Variants in TRIM13 observed in about 807,000 individuals in gnomAD.
The protein encoded by TRIM13 is tripartite motif containing 13.
TRIM13 carries 15 observed loss-of-function variants against 27.1 expected under a neutral mutation model. That is an observed-to-expected ratio of 0.55 (90% CI 0.37 to 0.85). TRIM13 has a LOEUF of 0.85. Ranked by LOEUF, TRIM13 falls within the 40% of genes least tolerant of loss-of-function variation. The pLI, the probability that TRIM13 is intolerant of heterozygous loss-of-function variation, is 0.00. For synonymous variants in TRIM13, 193 were observed against 171.5 expected (o/e 1.13, Z -0.98); for missense variants, 402 against 472.2 (o/e 0.85, Z 1.38).
Position 50,014,165 on chromosome 13 carries a change from TAGGTTAAAAAAA to T in TRIM13, c.*1005_*1016del, listed in dbSNP as rs1876019072. The T allele has an allele frequency of 6.1e-6, 1 of 164,728 alleles. No homozygotes were observed. The highest frequency in any genetic ancestry group is 2.5e-5 in the African/African-American group (1 of 40,718). The allele number at this position is 164,728 out of a possible 1,614,324, so 10.2% of individuals were successfully genotyped here. A position where few individuals can be genotyped will look rare whatever the true frequency, so the allele number is the denominator to read the frequency against. On this transcript the variant is annotated 3_prime_UTR_variant, in exon 2 of 2. Transcript: ENST00000378182. ...GTGGCTATGCAAGCAAAAGCATAGA[TAGGTTAAAAAAA>T]AGGATCAGCTGGCTGGGCAGGGTGG...
Position 50,018,443 on chromosome 13 carries a change from CATA to C in TRIM13, c.*5284_*5286del, listed in dbSNP as rs1377657731. Reference sequence around the variant, plus strand: ...AATATTGAGAATCTGTTGTATCAAACATAATAAACTTTTTTTGAGATGTGCTTT... The same window carrying C: ...AATATTGAGAATCTGTTGTATCAAACATAAACTTTTTTTGAGATGTGCTTT... On this transcript the variant is annotated 3_prime_UTR_variant, in exon 2 of 2. Coordinates refer to ENST00000378182, the MANE Select transcript of TRIM13 (RefSeq NM_213590.3). The C allele has an allele frequency of 7.2e-5, 12 of 166,176 alleles. No individual in the cohort carries two copies. The highest frequency in any genetic ancestry group is 2.2e-4 in the African/African-American group (9 of 41,546). The allele number at this position is 166,176 out of a possible 1,614,324, so 10.3% of individuals were successfully genotyped here.
chr13:50,014,836 T>C lies in TRIM13; in HGVS notation c.*1672T>C, dbSNP rs549892244. 4 of 166,580 alleles carry C rather than the reference T, an allele frequency of 2.4e-5. No individual in the cohort carries two copies. The highest frequency in any genetic ancestry group is 7.2e-5 in the African/African-American group (3 of 41,380). 10.3% of individuals were successfully genotyped at this position (166,580 alleles called of 1,614,324 possible). ...CTCTAATTTGGTTGAGAGGAGGTAA[T>C]GAAAATGGGGACAGGATAAAAGGTG... On this transcript the variant is annotated 3_prime_UTR_variant, in exon 2 of 2. Coordinates refer to ENST00000378182, the MANE Select transcript of TRIM13 (RefSeq NM_213590.3).
At chr13:50,008,549 G>T (rs1409289848) in intron 1 of TRIM13, among the ~76,000 whole-genome samples, 1 of 152,016 alleles carries the variant, frequency 6.6e-6, no homozygotes. Flanking sequence ...GAGGCAGGAG[G>T]ATTGCTTGAG....
rs569255684 is a variant in TRIM13 at position 49,998,022 on chromosome 13, T to C, written c.-7+259T>C. 1.6e-4 allele frequency among the ~76,000 whole-genome samples: 25 copies of C among 152,330 alleles called. 1 individual carries two copies. The East Asian group carries it at 4.6e-3, about 28-fold the overall frequency. On this transcript the variant is annotated intron_variant, in intron 1 of 1. Coordinates refer to ENST00000378182, the MANE Select transcript of TRIM13 (RefSeq NM_213590.3). ...GAAGAAAGGGGCTTCCACACTTTTT[T>C]CCTACTTTTTTTTCCCTTCTCCTAT... is the stretch of plus-strand genomic sequence containing the variant.
At position 50,015,095 on chromosome 13, in the gene TRIM13, ATATATATAT is replaced by A. The variant is rs1416682565; in HGVS notation, c.*1932_*1940del. On this transcript the variant is annotated 3_prime_UTR_variant, in exon 2 of 2. Coordinates refer to ENST00000378182, the MANE Select transcript of TRIM13 (RefSeq NM_213590.3). ...AGTAATAAAAAAAAAAAAAAAAAAA[ATATATATAT>A]ATATATATATATATATATATATATA... 6 of 16,702 alleles carry A rather than the reference ATATATATAT, an allele frequency of 3.6e-4. 2 individuals carry two copies. The highest frequency in any genetic ancestry group is 1.9e-3 in the African/African-American group (6 of 3,092). 1.0% of individuals were successfully genotyped at this position (16,702 alleles called of 1,614,324 possible).
In TRIM13 at chr13:50,015,776, G is replaced by A. The variant is rs759974304; in HGVS notation, c.*2612G>A. 6.2e-7 allele frequency: 1 copy of A among 1,614,068 alleles called. No individual in the cohort carries two copies. The highest frequency in any genetic ancestry group is 1.1e-5 in the South Asian group (1 of 91,086). The stretch of plus-strand genomic sequence containing the variant: ...TCTTTTCTATGAACTTCGTTCTCTA[G>A]TTGATCTCTTAAACCCATACCTGCT... On this transcript the variant is annotated 3_prime_UTR_variant, in exon 2 of 2. Coordinates refer to ENST00000378182, the MANE Select transcript of TRIM13 (RefSeq NM_213590.3).
chr13:49,999,297 G>C (rs1033119261), intron 1 of TRIM13, among the ~76,000 whole-genome samples: 2 of 152,080 alleles, frequency 1.3e-5, no homozygotes, highest in African/African-American at 2.4e-5. Context: ...AGTCCCCTGG[G>C]CCCTATGTAA....
intron 1 of TRIM13, among the ~76,000 whole-genome samples, chr13:50,008,200 C>A (rs1214977980): frequency 6.6e-6 from 1 of 152,094 alleles, no homozygotes. Context: ...CCACCCGTGC[C>A]CGGCCAAGTA....
chr13:50,016,962 C>CGACA lies in TRIM13; in HGVS notation c.*3799_*3802dup, dbSNP rs1027627754. ...GGATACCAGTGTCTCTCTCTCTTAG[C>CGACA]GACACACTCCTTGGTCTTGCTTACC... is the stretch of plus-strand genomic sequence containing the variant. On this transcript the variant is annotated 3_prime_UTR_variant, in exon 2 of 2. Coordinates refer to ENST00000378182, the MANE Select transcript of TRIM13 (RefSeq NM_213590.3). 6 of 166,314 alleles carry CGACA rather than the reference C, an allele frequency of 3.6e-5. No homozygotes were observed. The highest frequency in any genetic ancestry group is 1.5e-4 in the African/African-American group (6 of 41,164). 10.3% of individuals were successfully genotyped at this position (166,314 alleles called of 1,614,324 possible). A position where few individuals can be genotyped will look rare whatever the true frequency, so the allele number is the denominator to read the frequency against.
chr13:50,002,327 T>C (rs951793806), intron 1 of TRIM13, among the ~76,000 whole-genome samples: 2 of 152,080 alleles, frequency 1.3e-5, no homozygotes, highest in Admixed American at 6.6e-5. Flanking sequence ...AAGAGGAGGC[T>C]GCAGTGAGAC....
Position 50,015,629 on chromosome 13 carries a change from G to C in TRIM13, c.*2465G>C, listed in dbSNP as rs1566448543. The C allele has an allele frequency of 1.2e-6, 2 of 1,613,970 alleles. No individual in the cohort carries two copies. Among genetic ancestry groups the C allele is most frequent in the African/African-American group, 2.7e-5 (2 of 74,900 alleles). ...CAGAGACCAAGAATTCAAGATGGTTGGTGGCCAGATTTTTGTAGACAGAGA... is the reference window on the plus strand; with the variant it reads ...CAGAGACCAAGAATTCAAGATGGTTCGTGGCCAGATTTTTGTAGACAGAGA... On this transcript the variant is annotated 3_prime_UTR_variant, in exon 2 of 2. Transcript: ENST00000378182.
rs35933096 is a variant in TRIM13, at chr13:50,001,291, CA to C, written c.-7+3546del. On this transcript the variant is annotated intron_variant, in intron 1 of 1. Coordinates refer to ENST00000378182, the MANE Select transcript of TRIM13 (RefSeq NM_213590.3). The stretch of plus-strand genomic sequence containing the variant: ...GGGTGACAAGAGCAAAACTCTGTCC[CA>C]AAAAAAAAAAAAAAAAAGGCAGGAA... Among the ~76,000 whole-genome samples the C allele has an allele frequency of 3.6e-3, 325 of 91,454 alleles. 2 individuals are homozygous for C. The highest frequency in any genetic ancestry group is 0.011 in the African/African-American group (234 of 20,956). The allele number at this position is 91,454 out of a possible 152,430, so 60.0% of individuals were successfully genotyped here.
rs1875748920 is a variant in TRIM13 at position 50,012,224 on chromosome 13, A to G, written c.284A>G (p.Lys95Arg). ...IKISPKMPVC[K>R]GHLGQPLNIF... The stretch of plus-strand genomic sequence containing the variant: ...ATCTCTCCCAAAATGCCAGTATGCA[A>G]AGGACACTTGGGGCAGCCTCTCAAC... The change falls in exon 2 of 2, where the codon AAA becomes AGA. Residue 95 changes from lysine (K) to arginine (R), a missense_variant. Physicochemically the swap from Lys to Arg is conservative, Grantham distance 26. Coordinates refer to ENST00000378182, the MANE Select transcript of TRIM13 (RefSeq NM_213590.3). 6.2e-7 allele frequency: 1 copy of G among 1,614,064 alleles called. No individual in the cohort carries two copies. Among genetic ancestry groups the G allele is most frequent in the Admixed American group, 1.7e-5 (1 of 59,992 alleles).
chr13:49,999,257 G>A (rs1015543056), intron 1 of TRIM13, among the ~76,000 whole-genome samples: 4 of 152,092 alleles, frequency 2.6e-5, no homozygotes, highest in Admixed American at 6.6e-5. Context: ...TCTTTAGACG[G>A]GCTATGTAAA....
At chr13:49,998,465 C>A (rs1285581319) in intron 1 of TRIM13, among the ~76,000 whole-genome samples, 1 of 152,182 alleles carries the variant, frequency 6.6e-6, no homozygotes, top group African/African-American at 2.4e-5. Flanking sequence ...AAGTTTAGAA[C>A]CTTTTCTTGC....
chr13:50,010,117 C>T (rs1163355177), intron 1 of TRIM13, among the ~76,000 whole-genome samples: 2 of 145,102 alleles, frequency 1.4e-5, no homozygotes, highest in Non-Finnish European at 1.5e-5. Context: ...GGTGCTATCT[C>T]GGCTCACTGC....
chr13:50,000,208 CTA>C (rs1873852172), intron 1 of TRIM13, among the ~76,000 whole-genome samples: 1 of 152,088 alleles, frequency 6.6e-6, no homozygotes, highest in Admixed American at 6.6e-5. Flanking sequence ...TCCTATAAAA[CTA>C]TGGTTTTATT....
In TRIM13 at chr13:49,997,137, A is replaced by C. The variant is rs1426301745; in HGVS notation, c.-633A>C. 1 of 150,592 alleles carries C rather than the reference A, an allele frequency of 6.6e-6. No homozygotes were observed. Among genetic ancestry groups the C allele is most frequent in the Non-Finnish European group, 1.5e-5 (1 of 67,744 alleles). 9.3% of individuals were successfully genotyped at this position (150,592 alleles called of 1,614,324 possible). ...GCCTTTCCCACTAGCCGGAGGTCGGAGATAAGTACCCGCCGCCCGGCTCCT... is the reference window on the plus strand; with the variant it reads ...GCCTTTCCCACTAGCCGGAGGTCGGCGATAAGTACCCGCCGCCCGGCTCCT... On this transcript the variant is annotated 5_prime_UTR_variant, in exon 1 of 2. Coordinates refer to ENST00000378182, the MANE Select transcript of TRIM13 (RefSeq NM_213590.3).
chr13:50,001,394 C>G (rs191984229), intron 1 of TRIM13, among the ~76,000 whole-genome samples: 1 of 151,684 alleles, frequency 6.6e-6, no homozygotes, highest in Non-Finnish European at 1.5e-5. Flanking sequence ...TCTGAACTAG[C>G]GAGGTAATGA....
Sources: gnomAD v4.1 joint callset for allele counts (sites outside exome capture counted in the v4.1 genomes callset) on GRCh38, gnomAD v4.1.1 for gene constraint, MANE v1.5 for transcripts, NCBI Gene and HGNC (gene_info 2026-07-23, HGNC 2026-07-21) for gene names.